Variants in ATXN8OS observed in about 807,000 individuals in gnomAD.
ATXN8OS encodes ATXN8 opposite strand (non-protein coding).
At chr13:70,115,047 T>TGC (rs1717751213) in intron 1 of ATXN8OS, 1 of 375,162 alleles carries the variant, frequency 2.7e-6, no homozygotes, top group South Asian at 1.5e-4. Context: ...TGTGTGTGTG[T>TGC]GCATGTGTGG....
intron 3 of ATXN8OS, among the ~76,000 whole-genome samples, chr13:70,146,090 A>G (rs1888782592): frequency 6.9e-6 from 1 of 145,070 alleles, no homozygotes; most frequent in Non-Finnish European, 1.5e-5. Flanking sequence ...AACCCCATCA[A>G]AAAGTGGGCA....
intron 3 of ATXN8OS, among the ~76,000 whole-genome samples, chr13:70,133,840 G>A (rs1888568279): frequency 6.6e-6 from 1 of 152,036 alleles, no homozygotes; most frequent in African/African-American, 2.4e-5. Flanking sequence ...CTACAACTAT[G>A]AGACAACAGA....
At chr13:70,159,751 A>C (rs971670583) in intron 4 of ATXN8OS, among the ~76,000 whole-genome samples, 3 of 152,178 alleles carry the variant, frequency 2.0e-5, no homozygotes, top group African/African-American at 7.2e-5. Flanking sequence ...TCTTTCCTGT[A>C]GTTTTACCTT....
intron 4 of ATXN8OS, among the ~76,000 whole-genome samples, chr13:70,165,980 C>T (rs964220886): frequency 1.3e-5 from 2 of 152,016 alleles, no homozygotes; most frequent in South Asian, 2.1e-4. Flanking sequence ...TTCCTTAACA[C>T]ATTTTCCTTT....
intron 3 of ATXN8OS, among the ~76,000 whole-genome samples, chr13:70,138,879 G>A (rs1888656101): frequency 1.3e-5 from 2 of 152,042 alleles, no homozygotes; most frequent in Non-Finnish European, 2.9e-5. Context: ...TAGTTATAGT[G>A]GTTGATTCAA....
intron 3 of ATXN8OS, chr13:70,131,328 C>G: frequency 2.5e-6 from 1 of 398,474 alleles, no homozygotes; most frequent in East Asian, 3.6e-5. Flanking sequence ...CTAAATTTTT[C>G]CATAAATCAG....
intron 3 of ATXN8OS, among the ~76,000 whole-genome samples, chr13:70,143,001 A>C (rs1242956888): frequency 2.0e-5 from 3 of 151,678 alleles, no homozygotes; most frequent in African/African-American, 7.3e-5. Flanking sequence ...TGAACCCGGG[A>C]GGCAGAGGTT....
intron 4 of ATXN8OS, among the ~76,000 whole-genome samples, chr13:70,159,638 G>A (rs746771705): frequency 2.0e-5 from 3 of 152,064 alleles, no homozygotes; most frequent in Non-Finnish European, 2.9e-5. Context: ...ACCACAATCA[G>A]AATACAGAGC....
exon 5 of ATXN8OS, among the ~76,000 whole-genome samples, chr13:70,171,467 T>C (rs182238229): frequency 6.6e-6 from 1 of 152,130 alleles, no homozygotes; most frequent in African/African-American, 2.4e-5. Context: ...AGGATAATTG[T>C]GTACATTTTA....
chr13:70,170,410 G>C (rs1182870491), exon 5 of ATXN8OS, among the ~76,000 whole-genome samples: 1 of 152,076 alleles, frequency 6.6e-6, no homozygotes, highest in Non-Finnish European at 1.5e-5. Flanking sequence ...CATTTTCTAA[G>C]GCAGAATTAA....
chr13:70,115,240 A>T (rs1218457327), exon 2 of ATXN8OS: 1 of 398,360 alleles, frequency 2.5e-6, no homozygotes, highest in Non-Finnish European at 4.4e-6. Context: ...AGGGCAAGAG[A>T]GAGAACAAAG....
chr13:70,130,933 A>G (rs937532302), intron 3 of ATXN8OS: 22 of 398,436 alleles, frequency 5.5e-5, no homozygotes, highest in African/African-American at 3.5e-4. Context: ...AACTATGGAA[A>G]AAATAAAGGA....
chr13:70,122,289 TG>T (rs1354048972), intron 2 of ATXN8OS, among the ~76,000 whole-genome samples: 9 of 152,022 alleles, frequency 5.9e-5, no homozygotes, highest in Admixed American at 5.9e-4. Context: ...TATTGTCTTT[TG>T]TTCATCTAGT....
chr13:70,166,111 G>C (rs912916499), intron 4 of ATXN8OS, among the ~76,000 whole-genome samples: 2 of 151,908 alleles, frequency 1.3e-5, no homozygotes, highest in Admixed American at 1.3e-4. Context: ...ATCTCATTAA[G>C]GATCAGGATA....
At position 70,132,998 on chromosome 13, in the gene ATXN8OS, G is replaced by A. The variant is rs559996582; in HGVS notation, n.499+3114G>A. ...TAGCCTCTAAAATCTCTACAGCCAG[G>A]GTTGGGACTAATATTCAACCCTTAA... On this transcript the variant is annotated intron_variant and non_coding_transcript_variant, in intron 3 of 4. Coordinates refer to ENST00000678624, the Ensembl canonical transcript of ATXN8OS. Among the ~76,000 whole-genome samples, 8 of 152,254 alleles carry A rather than the reference G, an allele frequency of 5.3e-5. No individual in the cohort carries two copies. The East Asian group carries it at 1.5e-3, about 29-fold the overall frequency.
intron 4 of ATXN8OS, among the ~76,000 whole-genome samples, chr13:70,163,415 C>T (rs1241295467): frequency 6.6e-6 from 1 of 152,032 alleles, no homozygotes; most frequent in Non-Finnish European, 1.5e-5. Flanking sequence ...ATGTCCACCC[C>T]ATGAGACTGT....
intron 4 of ATXN8OS, among the ~76,000 whole-genome samples, chr13:70,150,289 T>C (rs9317883): frequency 0.25 from 37,405 of 151,886 alleles, 5,135 homozygotes; most frequent in East Asian, 0.54. Flanking sequence ...AGAGTGGAGA[T>C]TGTTTTCCCC....
intron 2 of ATXN8OS, among the ~76,000 whole-genome samples, chr13:70,118,167 A>G (rs968619168): frequency 2.0e-5 from 3 of 152,106 alleles, no homozygotes; most frequent in African/African-American, 7.2e-5. Flanking sequence ...CAAATCACTT[A>G]AGTTAATTTT....
At chr13:70,116,533 G>T (rs1246311240) in intron 2 of ATXN8OS, among the ~76,000 whole-genome samples, 1 of 152,120 alleles carries the variant, frequency 6.6e-6, no homozygotes, top group South Asian at 2.1e-4. Context: ...GAGCAGAAAC[G>T]AAACGAGCTC....
Sources: gnomAD v4.1 joint callset for allele counts (sites outside exome capture counted in the v4.1 genomes callset) on GRCh38, gnomAD v4.1.1 for gene constraint, MANE v1.5 for transcripts, NCBI Gene and HGNC (gene_info 2026-07-23, HGNC 2026-07-21) for gene names.